The following RPE variants were observed in gnomAD, a reference collection of about 807,000 sequenced individuals.
RPE encodes the protein ribulose-phosphate 3-epimerase.
RPE carries 16 observed loss-of-function variants against 24.6 expected under a neutral mutation model. The observed-to-expected ratio is 0.65, with a 90% CI of 0.44 to 0.99. RPE has a LOEUF of 0.99. Ranked by LOEUF, RPE falls within the 50% of genes least tolerant of loss-of-function variation. The pLI is 0.00. For missense variants in RPE, 240 were observed against 294.5 expected (o/e 0.81, Z 1.35); for synonymous variants, 93 against 98.4 (o/e 0.94, Z 0.33).
intron 1 of RPE, 57 bp downstream of exon 1, chr2:210,002,840 T>G: frequency 6.2e-7 from 1 of 1,613,208 alleles, no homozygotes; most frequent in Non-Finnish European, 8.5e-7. Flanking sequence ...TCAGTGCACC[T>G]TTATTGACTG....
chr2:210,010,965 C>T (rs879878308), intron 2 of RPE, among the ~76,000 whole-genome samples: 33 of 152,076 alleles, frequency 2.2e-4, no homozygotes, highest in Middle Eastern at 3.4e-3. Context: ...CTTAAAAATT[C>T]GGTTTCTTAT....
intron 2 of RPE, among the ~76,000 whole-genome samples, chr2:210,014,099 GT>G (rs370654097): frequency 8.1e-5 from 12 of 147,502 alleles, no homozygotes; most frequent in East Asian, 8.0e-4. Context: ...TTTGTTTTTT[GT>G]TTTTTTTTTG....
chr2:210,008,718 G>GT (rs1575301428), intron 1 of RPE, among the ~76,000 whole-genome samples: 1 of 150,642 alleles, frequency 6.6e-6, no homozygotes, highest in African/African-American at 2.4e-5. Context: ...CGTTTTTGAG[G>GT]TAAGTCTCGC....
At chr2:210,016,341 C>T in intron 3 of RPE, 166 bp from the exon 4 acceptor site, 2 of 1,569,910 alleles carry the variant, frequency 1.3e-6, no homozygotes, top group Non-Finnish European at 1.7e-6. Flanking sequence ...TTATGTATTC[C>T]ACTAAAGTTT....
At chr2:210,011,684 T>A (rs2093701444) in intron 2 of RPE, among the ~76,000 whole-genome samples, 1 of 152,186 alleles carries the variant, frequency 6.6e-6, no homozygotes, top group Non-Finnish European at 1.5e-5. Context: ...TTGTTGTTGT[T>A]GCTTTAAGAG....
Position 210,021,944 on chromosome 2 carries a change from C to T in RPE, c.*2153C>T, listed in dbSNP as rs1292302558. ...CTATGGCAAAGAATGACCAAATTAGCTAGAAATAGAAATCAGCCAGAATTA... is the reference window on the plus strand; with the variant it reads ...CTATGGCAAAGAATGACCAAATTAGTTAGAAATAGAAATCAGCCAGAATTA... On this transcript the variant is annotated 3_prime_UTR_variant, in exon 6 of 6. Coordinates refer to ENST00000359429, the MANE Select transcript of RPE (RefSeq NM_199229.3). 1 of 149,414 alleles carries T rather than the reference C, an allele frequency of 6.7e-6. No homozygotes were observed. The highest frequency in any genetic ancestry group is 1.5e-5 in the Non-Finnish European group (1 of 67,534). The allele number at this position is 149,414 out of a possible 1,614,324, so 9.3% of individuals were successfully genotyped here.
chr2:210,011,661 CT>C (rs922358941), intron 2 of RPE, among the ~76,000 whole-genome samples: 29 of 151,952 alleles, frequency 1.9e-4, no homozygotes, highest in Admixed American at 5.9e-4. Flanking sequence ...TGGTTTTTCG[CT>C]TTTTGTTGTT....
At chr2:210,013,448 T>C (rs532491393) in intron 2 of RPE, among the ~76,000 whole-genome samples, 118 of 151,996 alleles carry the variant, frequency 7.8e-4, no homozygotes, top group African/African-American at 2.8e-3. Flanking sequence ...CTCCAGTAGC[T>C]GGGACTGCAG....
At chr2:210,004,179 ATG>A (rs1429898102) in intron 1 of RPE, among the ~76,000 whole-genome samples, 1 of 152,210 alleles carries the variant, frequency 6.6e-6, no homozygotes, top group Non-Finnish European at 1.5e-5. Context: ...TGGAACAGCT[ATG>A]TGTATATTTG....
intron 1 of RPE, chr2:210,003,522 G>A (rs2093591466): frequency 2.7e-6 from 3 of 1,116,548 alleles, no homozygotes; most frequent in African/African-American, 1.6e-5. Context: ...TTGGAGTCAG[G>A]ATATTAGTTT....
intron 1 of RPE, among the ~76,000 whole-genome samples, chr2:210,005,961 G>C (rs201878101): frequency 6.6e-6 from 1 of 152,126 alleles, no homozygotes; most frequent in African/African-American, 2.4e-5. Flanking sequence ...TTAGAATTAC[G>C]TAAGTAAAGC....
At chr2:210,003,262 TC>T (rs1231166129) in intron 1 of RPE, among the ~76,000 whole-genome samples, 4 of 152,180 alleles carry the variant, frequency 2.6e-5, no homozygotes, top group Non-Finnish European at 5.9e-5. Context: ...TCATTGAGCT[TC>T]AGTTTCATAA....
At chr2:210,010,563 A>G (rs2093686187) in intron 2 of RPE, among the ~76,000 whole-genome samples, 2 of 152,130 alleles carry the variant, frequency 1.3e-5, no homozygotes, top group South Asian at 2.1e-4. Flanking sequence ...CAGCCTAGCC[A>G]TAAATAGTTT....
In RPE at chr2:210,009,753, C is replaced by T. The variant is rs1559477200; in HGVS notation, c.202+17C>T. The T allele has an allele frequency of 6.2e-7, 1 of 1,614,044 alleles. No homozygotes were observed. The highest frequency in any genetic ancestry group is 8.5e-7 in the Non-Finnish European group (1 of 1,179,932). On this transcript the variant is annotated intron_variant, in intron 2 of 5. Coordinates refer to ENST00000359429, the MANE Select transcript of RPE (RefSeq NM_199229.3). ...CTTTCTTTGGTAAGTGGGTGTTACGCCATCTGAAGCTGGATGTGTTGCTCA... is the reference window on the plus strand; with the variant it reads ...CTTTCTTTGGTAAGTGGGTGTTACGTCATCTGAAGCTGGATGTGTTGCTCA...
At chr2:210,018,813 T>C (rs2093815257) in intron 5 of RPE, 1 of 418,584 alleles carries the variant, frequency 2.4e-6, no homozygotes, top group Non-Finnish European at 3.2e-6. Context: ...AATGGAACAC[T>C]AGGCATAAAT....
intron 1 of RPE, among the ~76,000 whole-genome samples, chr2:210,004,535 T>G (rs1351250095): frequency 6.6e-6 from 1 of 152,234 alleles, no homozygotes; most frequent in African/African-American, 2.4e-5. Flanking sequence ...CTGTGGTTCC[T>G]AGGCTTACAG....
At chr2:210,008,100 G>A in intron 1 of RPE, among the ~76,000 whole-genome samples, 1 of 152,160 alleles carries the variant, frequency 6.6e-6, no homozygotes, top group East Asian at 1.9e-4. Flanking sequence ...AGGGAACTGG[G>A]AATGAAAAGG....
At chr2:210,007,560 C>G (rs953447767) in intron 1 of RPE, among the ~76,000 whole-genome samples, 3 of 152,188 alleles carry the variant, frequency 2.0e-5, no homozygotes, top group Non-Finnish European at 4.4e-5. Context: ...TTTTTTTACA[C>G]TAGCCAAAGT....
At chr2:210,018,038 T>C in intron 5 of RPE, 2 of 1,095,172 alleles carry the variant, frequency 1.8e-6, no homozygotes, top group Non-Finnish European at 2.6e-6. Context: ...AGCCATGGCG[T>C]CTGGCCCGTA....
Sources: allele counts gnomAD v4.1 joint callset (sites outside exome capture counted in the v4.1 genomes callset), GRCh38; gene constraint gnomAD v4.1.1; transcripts MANE v1.5; gene names NCBI Gene and HGNC (gene_info 2026-07-23, HGNC 2026-07-21).